The following NT5DC1 variants were observed in gnomAD, a reference collection of about 807,000 sequenced individuals.
NT5DC1 encodes 5'-nucleotidase domain containing 1, also known as 5'-nucleotidase domain-containing protein 1.
In NT5DC1, 42 loss-of-function variants were observed where a neutral mutation model predicts 59.4. The ratio of observed to expected loss-of-function variants is 0.71; its 90% CI spans 0.55 to 0.92. The LOEUF is 0.92. Ranked by LOEUF, NT5DC1 falls within the 40% of genes least tolerant of loss-of-function variation. The pLI is 0.00. For synonymous variants in NT5DC1, 172 were observed against 188.1 expected (o/e 0.91, Z 0.70); for missense variants, 501 against 537.1 (o/e 0.93, Z 0.66).
At position 116,121,138 on chromosome 6, in the gene NT5DC1, C is replaced by T. The variant is rs138358438; in HGVS notation, c.529+3193C>T. 2.5e-6 allele frequency: 4 copies of T among 1,613,280 alleles called. No individual in the cohort carries two copies. The African/African-American group carries it at 5.3e-5, about 22-fold the overall frequency. On this transcript the variant is annotated intron_variant, in intron 6 of 11. Coordinates refer to ENST00000319550, the MANE Select transcript of NT5DC1 (RefSeq NM_152729.3). ...CTGGCTTCCCAGGAAGACCTGCTGG[C>T]CCTTGTTCCCCTTTGGCACCTGGAC... is the stretch of plus-strand genomic sequence containing the variant.
At chr6:116,196,539 A>G (rs893353072) in intron 6 of NT5DC1, among the ~76,000 whole-genome samples, 1 of 152,074 alleles carries the variant, frequency 6.6e-6, no homozygotes, top group Non-Finnish European at 1.5e-5. Flanking sequence ...AAATTATATC[A>G]ATTAGAAAAA....
At chr6:116,111,018 T>G (rs888126980) in intron 4 of NT5DC1, 62 bp downstream of exon 4, 3 of 1,152,370 alleles carry the variant, frequency 2.6e-6, no homozygotes, top group Non-Finnish European at 3.9e-6. Context: ...CCTAAACCTT[T>G]GATGTCAGGA....
At chr6:116,232,430 G>A (rs776752720) in intron 8 of NT5DC1, among the ~76,000 whole-genome samples, 4 of 151,882 alleles carry the variant, frequency 2.6e-5, no homozygotes, top group Non-Finnish European at 5.9e-5. Context: ...ATTCGTATTT[G>A]CTTTTATATG....
chr6:116,156,956 A>G (rs1780209848), intron 6 of NT5DC1, among the ~76,000 whole-genome samples: 2 of 152,236 alleles, frequency 1.3e-5, no homozygotes, highest in East Asian at 1.9e-4. Flanking sequence ...CTCCCTGGCA[A>G]GAAGGCCTGC....
intron 6 of NT5DC1, among the ~76,000 whole-genome samples, chr6:116,192,605 A>G (rs1433137368): frequency 4.6e-5 from 7 of 152,110 alleles, no homozygotes. Flanking sequence ...ATCTTAAAGT[A>G]CATTAAGGAA....
At chr6:116,209,179 A>G (rs1251367653) in intron 6 of NT5DC1, among the ~76,000 whole-genome samples, 1 of 151,992 alleles carries the variant, frequency 6.6e-6, no homozygotes, top group Non-Finnish European at 1.5e-5. Context: ...GATTCAGCAA[A>G]CCTTTTCTTA....
At chr6:116,215,692 T>C (rs1255106852) in intron 6 of NT5DC1, among the ~76,000 whole-genome samples, 7 of 152,198 alleles carry the variant, frequency 4.6e-5, no homozygotes, top group African/African-American at 1.7e-4. Flanking sequence ...TCTTTTAGAA[T>C]GATTCATTCT....
intron 8 of NT5DC1, among the ~76,000 whole-genome samples, chr6:116,230,683 A>G (rs935494216): frequency 2.0e-5 from 3 of 152,204 alleles, no homozygotes; most frequent in Admixed American, 2.0e-4. Context: ...ATTTAAGGTC[A>G]GACATACAAA....
At chr6:116,157,226 G>T (rs558129349) in intron 6 of NT5DC1, among the ~76,000 whole-genome samples, 5 of 152,166 alleles carry the variant, frequency 3.3e-5, no homozygotes, top group African/African-American at 1.2e-4. Context: ...GTTTAAAAAT[G>T]AGGATTCCCC....
chr6:116,211,104 A>C (rs948647874), intron 6 of NT5DC1, among the ~76,000 whole-genome samples: 1 of 152,050 alleles, frequency 6.6e-6, no homozygotes, highest in Non-Finnish European at 1.5e-5. Flanking sequence ...GGGGAAACCC[A>C]CCGCCACTTA....
At chr6:116,156,503 T>A (rs551969429) in intron 6 of NT5DC1, among the ~76,000 whole-genome samples, 5 of 152,316 alleles carry the variant, frequency 3.3e-5, no homozygotes, top group African/African-American at 1.2e-4. Context: ...TAAAAAGGAA[T>A]GCGTCTTAAG....
chr6:116,111,272 A>G (rs753383671), intron 4 of NT5DC1, among the ~76,000 whole-genome samples: 1 of 152,218 alleles, frequency 6.6e-6, no homozygotes, highest in African/African-American at 2.4e-5. Flanking sequence ...TTTGTCCTCA[A>G]TCCTTACTTT....
intron 8 of NT5DC1, among the ~76,000 whole-genome samples, chr6:116,233,462 G>T (rs1202326718): frequency 6.6e-6 from 1 of 152,198 alleles, no homozygotes; most frequent in African/African-American, 2.4e-5. Context: ...TCCTAAGTGA[G>T]AATTGTTCGT....
At chr6:116,159,991 AC>A (rs1780290385) in intron 6 of NT5DC1, among the ~76,000 whole-genome samples, 1 of 152,184 alleles carries the variant, frequency 6.6e-6, no homozygotes, top group Admixed American at 6.5e-5. Flanking sequence ...TATACATACC[AC>A]ATTTTTTTTA....
At chr6:116,227,720 T>C (rs1454336584) in intron 8 of NT5DC1, among the ~76,000 whole-genome samples, 1 of 151,914 alleles carries the variant, frequency 6.6e-6, no homozygotes, top group Non-Finnish European at 1.5e-5. Context: ...CTTAGTGATG[T>C]TGAGCACTTT....
intron 6 of NT5DC1, among the ~76,000 whole-genome samples, chr6:116,219,980 A>C (rs1033007762): frequency 1.3e-5 from 2 of 149,868 alleles, no homozygotes; most frequent in African/African-American, 2.5e-5. Flanking sequence ...AAAAAAAAAA[A>C]AAAACAACTC....
Position 116,156,879 on chromosome 6 carries a change from A to T in NT5DC1, c.529+38934A>T, listed in dbSNP as rs977655989. 2.0e-5 allele frequency among the ~76,000 whole-genome samples: 3 copies of T among 151,924 alleles called. No homozygotes were observed. The South Asian group carries it at 6.2e-4, about 32-fold the overall frequency. ...CCATTACATCACAACTCTTGCCACAACCCCTTTTGTTCTCCTCAGGAGCCC... is the reference window on the plus strand; with the variant it reads ...CCATTACATCACAACTCTTGCCACATCCCCTTTTGTTCTCCTCAGGAGCCC... On this transcript the variant is annotated intron_variant, in intron 6 of 11. Transcript: ENST00000319550.
intron 6 of NT5DC1, among the ~76,000 whole-genome samples, chr6:116,207,543 T>C (rs953418076): frequency 6.6e-6 from 1 of 152,086 alleles, no homozygotes; most frequent in Admixed American, 6.6e-5. Context: ...GTTTGAAAAG[T>C]ATATATGATT....
chr6:116,155,736 A>G (rs1780173001), intron 6 of NT5DC1, among the ~76,000 whole-genome samples: 1 of 151,130 alleles, frequency 6.6e-6, no homozygotes, highest in Non-Finnish European at 1.5e-5. Flanking sequence ...ACACAAAGAA[A>G]TAATGTACTT....
Sources: gnomAD v4.1 joint callset for allele counts (sites outside exome capture counted in the v4.1 genomes callset) on GRCh38, gnomAD v4.1.1 for gene constraint, MANE v1.5 for transcripts, NCBI Gene and HGNC (gene_info 2026-07-23, HGNC 2026-07-21) for gene names.